Variants in INPP4A observed in about 807,000 individuals in gnomAD.
INPP4A encodes the protein inositol polyphosphate-4-phosphatase, type I, 107kD.
In INPP4A, 33 loss-of-function variants were observed where a neutral mutation model predicts 119.8. That is an observed-to-expected ratio of 0.28 (90% confidence interval 0.21 to 0.37). INPP4A has a LOEUF of 0.37. INPP4A is among the 10% of genes least tolerant of loss of function. The pLI, the probability that INPP4A is intolerant of heterozygous loss-of-function variation, is 1.00. For missense variants in INPP4A, 956 were observed against 1,289.9 expected, an observed-to-expected ratio of 0.74 and a Z score of 3.97; for synonymous variants, 496 against 500.7, an observed-to-expected ratio of 0.99 and a Z score of 0.12.
rs1302005223 is a variant in INPP4A at position 98,543,906 on chromosome 2, T to C, written c.848T>C (p.Leu283Pro). ...TGTGAGCTGGAGGAGCTGGGAGAGC[T>C]GTCCCCTTGCTGGGAGAGCCTCCGG... Reference protein sequence around the residue: ...RVCELEELGELSPCWESLRRQ... With the variant: ...RVCELEELGEPSPCWESLRRQ... The change falls in exon 11 of 25, where the codon CTG becomes CCG. Residue 283 changes from leucine (L) to proline (P), a missense_variant. Coordinates refer to ENST00000409851, the MANE Select transcript of INPP4A (RefSeq NM_001134225.2). The C allele has an allele frequency of 6.2e-7, 1 of 1,613,160 alleles. No homozygotes were observed. The highest frequency in any genetic ancestry group is 8.5e-7 in the Non-Finnish European group (1 of 1,179,532).
chr2:98,513,171 ACTC>A (rs1685456182), intron 1 of INPP4A, among the ~76,000 whole-genome samples: 1 of 151,802 alleles, frequency 6.6e-6, no homozygotes, highest in African/African-American at 2.4e-5. Context: ...CGTAGGCCCA[ACTC>A]CTCCTGCATC....
chr2:98,537,554 G>C (rs1315833114), intron 7 of INPP4A, among the ~76,000 whole-genome samples: 16 of 152,194 alleles, frequency 1.1e-4, no homozygotes, highest in Admixed American at 1.0e-3. Context: ...GTGAGCACAG[G>C]CACTGGCAGC....
chr2:98,472,135 T>C (rs1375959661), intron 1 of INPP4A, among the ~76,000 whole-genome samples: 3 of 152,218 alleles, frequency 2.0e-5, no homozygotes, highest in Non-Finnish European at 2.9e-5. Flanking sequence ...GGCCTGTTTC[T>C]GCCTGCCGTG....
At chr2:98,475,975 G>C (rs1402325690) in intron 1 of INPP4A, among the ~76,000 whole-genome samples, 1 of 152,112 alleles carries the variant, frequency 6.6e-6, no homozygotes, top group Non-Finnish European at 1.5e-5. Flanking sequence ...CCACCCACAG[G>C]TAATCCAGAT....
intron 16 of INPP4A, among the ~76,000 whole-genome samples, chr2:98,558,671 A>G (rs961576754): frequency 6.6e-6 from 1 of 152,252 alleles, no homozygotes; most frequent in East Asian, 1.9e-4. Flanking sequence ...AAGCTCAGAC[A>G]TAAATTAACA....
At chr2:98,514,548 A>G (rs1685749954) in intron 1 of INPP4A, among the ~76,000 whole-genome samples, 2 of 152,050 alleles carry the variant, frequency 1.3e-5, no homozygotes, top group Admixed American at 6.6e-5. Flanking sequence ...GAGGGGAGAG[A>G]GGCTGAAGGT....
chr2:98,581,223 C>T (rs1056890063), intron 24 of INPP4A, among the ~76,000 whole-genome samples: 1 of 152,222 alleles, frequency 6.6e-6, no homozygotes, highest in Non-Finnish European at 1.5e-5. Flanking sequence ...GGCCGGGCAG[C>T]ATGGAGTTGT....
intron 3 of INPP4A, 138 bp from the exon 4 acceptor site, chr2:98,520,549 T>G: frequency 2.9e-6 from 2 of 678,080 alleles, no homozygotes; most frequent in South Asian, 1.7e-5. Context: ...AAACAAAATA[T>G]TTTTAAAATA....
At position 98,519,005 on chromosome 2, in the gene INPP4A, G is replaced by A. The variant is rs1686673721; in HGVS notation, c.-124G>A. ...TGCTTCTATGAAGAAATGCCACATGGTCCGAGAGCAAACATGTCCAGTAAG... is the reference window on the plus strand; with the variant it reads ...TGCTTCTATGAAGAAATGCCACATGATCCGAGAGCAAACATGTCCAGTAAG... On this transcript the variant is annotated 5_prime_UTR_variant, in exon 2 of 25. Coordinates refer to ENST00000409851, the MANE Select transcript of INPP4A (RefSeq NM_001134225.2). 1 of 152,164 alleles carries A rather than the reference G, an allele frequency of 6.6e-6. No individual in the cohort carries two copies. Among genetic ancestry groups the A allele is most frequent in the South Asian group, 2.1e-4 (1 of 4,832 alleles). 9.4% of individuals were successfully genotyped at this position (152,164 alleles called of 1,614,324 possible).
intron 13 of INPP4A, among the ~76,000 whole-genome samples, chr2:98,550,462 A>G (rs1340197431): frequency 6.6e-6 from 1 of 152,206 alleles, no homozygotes; most frequent in Non-Finnish European, 1.5e-5. Context: ...CAGGGCCACA[A>G]GACTCCACCC....
At chr2:98,533,567 G>C in intron 5 of INPP4A, 72 bp downstream of exon 5, 1 of 901,896 alleles carries the variant, frequency 1.1e-6, no homozygotes, top group Non-Finnish European at 1.8e-6. Flanking sequence ...CTGATGTTCA[G>C]TTACTTGTGC....
chr2:98,518,851 T>C (rs987573158), intron 1 of INPP4A, 113 bp from the exon 2 acceptor site: 2 of 152,238 alleles, frequency 1.3e-5, no homozygotes, highest in African/African-American at 4.8e-5. Flanking sequence ...GATTGGGGTG[T>C]GGAGCTCAAA....
rs144355653 is a variant in INPP4A at position 98,525,309 on chromosome 2, T to C, written c.151+4578T>C. ...TCTCTCCTGCCTCTTCTTCCATTGT[T>C]ATATCTTTATGATTCACCCTAAGGC... On this transcript the variant is annotated intron_variant, in intron 4 of 24. Coordinates refer to ENST00000409851, the MANE Select transcript of INPP4A (RefSeq NM_001134225.2). 7.2e-4 allele frequency among the ~76,000 whole-genome samples: 109 copies of C among 152,328 alleles called. 1 individual carries two copies. Among genetic ancestry groups the C allele is most frequent in the African/African-American group, 2.4e-3 (101 of 41,568 alleles).
intron 1 of INPP4A, among the ~76,000 whole-genome samples, chr2:98,515,337 A>G (rs1171491002): frequency 6.6e-6 from 1 of 151,646 alleles, no homozygotes; most frequent in Admixed American, 6.6e-5. Context: ...CTTTCATTTT[A>G]CTTTCTCTCT....
chr2:98,545,128 G>T (rs1011052329), intron 11 of INPP4A, among the ~76,000 whole-genome samples: 1 of 152,166 alleles, frequency 6.6e-6, no homozygotes, highest in African/African-American at 2.4e-5. Context: ...TGCACCCTAC[G>T]TATCAGGCCA....
At chr2:98,475,149 A>G (rs1574608819) in intron 1 of INPP4A, among the ~76,000 whole-genome samples, 1 of 152,016 alleles carries the variant, frequency 6.6e-6, no homozygotes, top group Non-Finnish European at 1.5e-5. Flanking sequence ...CAGGAGGGGC[A>G]CTCTTAAGTG....
chr2:98,457,579 A>G (rs1696346327), intron 1 of INPP4A, among the ~76,000 whole-genome samples: 1 of 152,246 alleles, frequency 6.6e-6, no homozygotes, highest in African/African-American at 2.4e-5. Flanking sequence ...CCTGTGACGT[A>G]GACTGTGAAC....
chr2:98,501,474 A>G (rs966529975), intron 1 of INPP4A, among the ~76,000 whole-genome samples: 2 of 152,326 alleles, frequency 1.3e-5, no homozygotes, highest in East Asian at 1.9e-4. Flanking sequence ...GTGGAAGTCA[A>G]AGTCCTGCCC....
intron 17 of INPP4A, 139 bp downstream of exon 17, chr2:98,559,634 A>G: frequency 1.1e-6 from 1 of 908,948 alleles, no homozygotes; most frequent in East Asian, 2.7e-5. Flanking sequence ...GTTGTGAGGC[A>G]TAAAACACTT....
Sources: gnomAD v4.1 joint callset for allele counts (sites outside exome capture counted in the v4.1 genomes callset) on GRCh38, gnomAD v4.1.1 for gene constraint, MANE v1.5 for transcripts, NCBI Gene and HGNC (gene_info 2026-07-23, HGNC 2026-07-21) for gene names.